ARHGEF12: variants seen among roughly 807,000 people sequenced by gnomAD.
ARHGEF12 encodes the protein KMT2A/ARHGEF12 fusion protein.
ARHGEF12 carries 66 observed loss-of-function variants against 211.2 expected under a neutral mutation model. That is an observed-to-expected ratio of 0.31 (90% CI 0.26 to 0.38). The LOEUF (loss-of-function observed/expected upper bound fraction) is 0.38. Ranked by LOEUF, ARHGEF12 falls within the 10% of genes least tolerant of loss-of-function variation. The probability of loss-of-function intolerance (pLI) is 1.00; values close to 1 mark genes in which losing one functional copy is unlikely to be tolerated. For synonymous variants in ARHGEF12, 592 were observed against 638.4 expected (o/e 0.93, Z 1.09); for missense variants, 1,429 against 1,869.5 (o/e 0.76, Z 4.34).
At chr11:120,397,181 T>C (rs1226340722) in intron 1 of ARHGEF12, among the ~76,000 whole-genome samples, 1 of 152,214 alleles carries the variant, frequency 6.6e-6, no homozygotes, top group African/African-American at 2.4e-5. Flanking sequence ...GGAGAGAGTC[T>C]CTCTCACCGA....
At chr11:120,358,306 A>G (rs1465020058) in intron 1 of ARHGEF12, among the ~76,000 whole-genome samples, 1 of 152,118 alleles carries the variant, frequency 6.6e-6, no homozygotes, top group African/African-American at 2.4e-5. Flanking sequence ...TACTAAGAAT[A>G]CCAGCAGGGT....
At position 120,397,457 on chromosome 11, in the gene ARHGEF12, G is replaced by A. The variant is rs574779491; in HGVS notation, c.33-8661G>A. On this transcript the variant is annotated intron_variant, in intron 1 of 40. Coordinates refer to ENST00000397843, the MANE Select transcript of ARHGEF12 (RefSeq NM_015313.3). ...GAATTCATCCCAAGGAAGAAATCAA[G>A]GGGGAGTATAGAACTTGGGTTACAA... 2.8e-4 allele frequency among the ~76,000 whole-genome samples: 43 copies of A among 152,268 alleles called. No individual in the cohort carries two copies. The South Asian group carries it at 7.7e-3, about 27-fold the overall frequency.
At chr11:120,441,478 G>A (rs543474901) in intron 13 of ARHGEF12, among the ~76,000 whole-genome samples, 3 of 152,092 alleles carry the variant, frequency 2.0e-5, no homozygotes, top group African/African-American at 4.8e-5. Flanking sequence ...CTAAATTTCC[G>A]TTCTCCCACA....
At chr11:120,365,098 T>G (rs1943387525) in intron 1 of ARHGEF12, among the ~76,000 whole-genome samples, 2 of 152,224 alleles carry the variant, frequency 1.3e-5, no homozygotes, top group South Asian at 4.1e-4. Context: ...GTACTACTTT[T>G]TAAGTGTTTC....
At chr11:120,454,576 A>T (rs1426538779) in intron 22 of ARHGEF12, among the ~76,000 whole-genome samples, 1 of 152,204 alleles carries the variant, frequency 6.6e-6, no homozygotes, top group Non-Finnish European at 1.5e-5. Context: ...TTTTTGGTGG[A>T]TGAAGGACTC....
At chr11:120,453,023 A>T (rs1352592384) in intron 22 of ARHGEF12, among the ~76,000 whole-genome samples, 2 of 151,936 alleles carry the variant, frequency 1.3e-5, no homozygotes, top group Admixed American at 6.6e-5. Flanking sequence ...AAAAACAAAA[A>T]AAAACGACAA....
intron 4 of ARHGEF12, among the ~76,000 whole-genome samples, chr11:120,417,819 T>C (rs1409644585): frequency 6.6e-6 from 1 of 152,220 alleles, no homozygotes; most frequent in African/African-American, 2.4e-5. Flanking sequence ...CTATTTATTA[T>C]ATGCTAGAAT....
At chr11:120,484,312 A>T in intron 39 of ARHGEF12, 126 bp from the exon 40 acceptor site, 2 of 695,636 alleles carry the variant, frequency 2.9e-6, no homozygotes, top group Non-Finnish European at 4.7e-6. Context: ...TGATGAAGTT[A>T]ATATTTTTGA....
Position 120,480,205 on chromosome 11 carries a change from C to T in ARHGEF12, c.4012C>T (p.Arg1338Trp), listed in dbSNP as rs200873841. ...PRTSTESFAPRDSVGLAPQDS... is the reference protein window; with the variant it reads ...PRTSTESFAPWDSVGLAPQDS... ...GACTTCAACTGAATCTTTTGCTCCA[C>T]GGGATTCAGTGGGACTGGCACCCCA... The change falls in exon 38 of 41, where the codon CGG becomes TGG. Residue 1338 changes from arginine to tryptophan, a missense_variant. By Grantham distance (101) the Arg-to-Trp change is moderately radical. Around this residue, in one of 7 missense-constraint regions of ARHGEF12, gnomAD observed 467 missense variants for 468.4 expected, o/e 1.00. Coordinates refer to ENST00000397843, the MANE Select transcript of ARHGEF12 (RefSeq NM_015313.3). 113 of 1,614,064 alleles carry T rather than the reference C, an allele frequency of 7.0e-5. No individual in the cohort carries two copies. Among genetic ancestry groups the T allele is most frequent in the Non-Finnish European group, 8.3e-5 (98 of 1,180,042 alleles).
At chr11:120,432,820 G>A (rs753181873) in intron 11 of ARHGEF12, among the ~76,000 whole-genome samples, 6 of 152,182 alleles carry the variant, frequency 3.9e-5, no homozygotes, top group Non-Finnish European at 5.9e-5. Flanking sequence ...AAAGGAAGCC[G>A]TGGTCTAAGC....
intron 1 of ARHGEF12, 142 bp from the exon 2 acceptor site, chr11:120,405,976 C>T (rs1413706140): frequency 1.6e-6 from 1 of 609,502 alleles, no homozygotes; most frequent in South Asian, 2.2e-5. Context: ...ACTTCTTATT[C>T]CTCCAGCTTA....
chr11:120,366,935 G>A (rs748633510), intron 1 of ARHGEF12, among the ~76,000 whole-genome samples: 1 of 152,096 alleles, frequency 6.6e-6, no homozygotes, highest in African/African-American at 2.4e-5. Flanking sequence ...AGAATTGCTT[G>A]AACCTGAGAG....
chr11:120,478,442 T>C, intron 37 of ARHGEF12, 53 bp downstream of exon 37: 2 of 1,456,812 alleles, frequency 1.4e-6, no homozygotes, highest in Non-Finnish European at 1.9e-6. Flanking sequence ...GACACTCATG[T>C]GCCATCCCTA....
At chr11:120,337,975 C>G in intron 1 of ARHGEF12, 1 of 915,388 alleles carries the variant, frequency 1.1e-6, no homozygotes, top group Non-Finnish European at 1.3e-6. Context: ...AAGCGCGCAG[C>G]TGAATTTGTT....
chr11:120,440,198 G>C lies in ARHGEF12; in HGVS notation c.1069G>C (p.Asp357His). 3 of 1,613,586 alleles carry C rather than the reference G, an allele frequency of 1.9e-6. No individual in the cohort carries two copies. In the South Asian group the frequency reaches 3.3e-5, roughly 18 times the overall value. ...TCATATTATTGGAGCAGAAGATGAT[G>C]ATTTTGGTACTGAACATGAACAGGT... ...APHIIGAEDD[D>H]FGTEHEQING... The change falls in exon 13 of 41, where the codon GAT (aspartate) becomes CAT (histidine). Residue 357 changes from aspartate to histidine, a missense_variant. Coordinates refer to ENST00000397843, the MANE Select transcript of ARHGEF12 (RefSeq NM_015313.3).
At chr11:120,429,676 GTAAT>G (rs1405990767) in intron 9 of ARHGEF12, 32 bp from the exon 10 acceptor site, 2 of 1,588,988 alleles carry the variant, frequency 1.3e-6, no homozygotes, top group Admixed American at 1.7e-5. Flanking sequence ...TTTTACATAA[GTAAT>G]TAATTCTGAA....
intron 1 of ARHGEF12, among the ~76,000 whole-genome samples, chr11:120,342,751 C>T (rs1333453703): frequency 6.6e-6 from 1 of 152,166 alleles, no homozygotes; most frequent in Non-Finnish European, 1.5e-5. Flanking sequence ...TAAGCAATTA[C>T]TCATGTTCTA....
intron 13 of ARHGEF12, 86 bp downstream of exon 13, chr11:120,440,307 A>G (rs1020525037): frequency 3.6e-6 from 4 of 1,097,506 alleles, no homozygotes. Context: ...TCTGGAGATT[A>G]AGATAACATT....
intron 24 of ARHGEF12, 36 bp from the exon 25 acceptor site, chr11:120,458,044 A>C (rs1250079637): frequency 6.3e-7 from 1 of 1,589,728 alleles, no homozygotes; most frequent in East Asian, 2.2e-5. Context: ...GTCCACCTAA[A>C]GTCTTCAAAT....
Sources: gnomAD v4.1 joint callset for allele counts (sites outside exome capture counted in the v4.1 genomes callset) on GRCh38, gnomAD v4.1.1 for gene constraint, gnomAD v4.1.1 regional missense constraint, MANE v1.5 for transcripts, NCBI Gene and HGNC (gene_info 2026-07-23, HGNC 2026-07-21) for gene names.